NOL4: variants seen among roughly 807,000 people sequenced by gnomAD.
NOL4 encodes cancer/testis antigen 125.
NOL4 carries 17 observed loss-of-function variants against 75.9 expected under a neutral mutation model. The ratio of observed to expected loss-of-function variants is 0.22; its 90% CI spans 0.15 to 0.34. The LOEUF (loss-of-function observed/expected upper bound fraction) is 0.34. Among genes scored for constraint, NOL4 ranks in the 10% least tolerant of loss-of-function variants. The pLI is 1.00. For synonymous variants in NOL4, 292 were observed against 289.9 expected, an observed-to-expected ratio of 1.01 and a Z score of -0.07; for missense variants, 614 against 793.5, an observed-to-expected ratio of 0.77 and a Z score of 2.72.
intron 8 of NOL4, among the ~76,000 whole-genome samples, chr18:33,952,923 T>C (rs1463302960): frequency 2.0e-5 from 3 of 152,062 alleles, no homozygotes; most frequent in Admixed American, 6.5e-5. Context: ...AAACTCCGTC[T>C]CAAAAAAACA....
At chr18:33,996,190 C>A (rs559142098) in intron 6 of NOL4, among the ~76,000 whole-genome samples, 9 of 151,422 alleles carry the variant, frequency 5.9e-5, no homozygotes, top group Non-Finnish European at 1.0e-4. Context: ...GGAGATAGGG[C>A]CATTTAGAAC....
At chr18:33,883,511 C>T (rs934677582) in intron 9 of NOL4, 87 bp from the exon 10 acceptor site, 10 of 976,592 alleles carry the variant, frequency 1.0e-5, no homozygotes, top group Non-Finnish European at 1.3e-5. Context: ...ATCTAAATAC[C>T]TGCATTGAAT....
chr18:34,010,113 T>C (rs1003864137), intron 6 of NOL4, among the ~76,000 whole-genome samples: 8 of 151,748 alleles, frequency 5.3e-5, no homozygotes, highest in Non-Finnish European at 1.2e-4. Flanking sequence ...AAGCATACCA[T>C]ATTTTTGTAC....
intron 4 of NOL4, among the ~76,000 whole-genome samples, chr18:34,100,841 C>G (rs1036857736): frequency 2.6e-5 from 4 of 152,164 alleles, no homozygotes; most frequent in African/African-American, 7.2e-5. Context: ...GTCTAATTGA[C>G]AAATCTACTT....
intron 5 of NOL4, among the ~76,000 whole-genome samples, chr18:34,047,852 C>T (rs1401481352): frequency 1.3e-5 from 2 of 152,062 alleles, no homozygotes; most frequent in Admixed American, 6.6e-5. Context: ...GAAAGGTATA[C>T]ACATTGCACA....
intron 10 of NOL4, among the ~76,000 whole-genome samples, chr18:33,872,589 T>C (rs1029981911): frequency 2.6e-5 from 4 of 151,936 alleles, no homozygotes; most frequent in Non-Finnish European, 5.9e-5. Flanking sequence ...GTGAATAAGG[T>C]GAGAAGAGTT....
chr18:33,946,771 C>A (rs1288065268), intron 8 of NOL4, among the ~76,000 whole-genome samples: 1 of 151,216 alleles, frequency 6.6e-6, no homozygotes, highest in East Asian at 1.9e-4. Flanking sequence ...TCATTAAAAG[C>A]ACAAAGACAA....
chr18:34,213,512 T>A (rs2036661824), intron 1 of NOL4, among the ~76,000 whole-genome samples: 1 of 152,128 alleles, frequency 6.6e-6, no homozygotes, highest in Non-Finnish European at 1.5e-5. Context: ...ATGATCTCGA[T>A]CTCTTGACCT....
chr18:33,963,928 G>T (rs1183918413), intron 6 of NOL4, among the ~76,000 whole-genome samples: 1 of 152,150 alleles, frequency 6.6e-6, no homozygotes, highest in Admixed American at 6.5e-5. Flanking sequence ...GCGGTTGGGA[G>T]CTGTGTCTGA....
chr18:34,111,487 G>T (rs2079586246), intron 2 of NOL4, among the ~76,000 whole-genome samples: 1 of 151,826 alleles, frequency 6.6e-6, no homozygotes, highest in African/African-American at 2.4e-5. Flanking sequence ...TGTCTCTTCT[G>T]CCCTTCCACC....
At chr18:34,205,935 T>A (rs2036091186) in intron 1 of NOL4, among the ~76,000 whole-genome samples, 3 of 152,208 alleles carry the variant, frequency 2.0e-5, no homozygotes, top group African/African-American at 7.2e-5. Flanking sequence ...AGGCAGAAGC[T>A]TAAATTATTA....
chr18:34,062,005 G>T (rs2077082471), intron 5 of NOL4, among the ~76,000 whole-genome samples: 1 of 151,946 alleles, frequency 6.6e-6, no homozygotes, highest in African/African-American at 2.4e-5. Flanking sequence ...GAGACGTTAA[G>T]CCTACCAAGA....
chr18:33,981,745 G>A (rs1401018689), intron 6 of NOL4, among the ~76,000 whole-genome samples: 1 of 152,016 alleles, frequency 6.6e-6, no homozygotes, highest in African/African-American at 2.4e-5. Context: ...TTTTTTCAAA[G>A]AGCATTAGAG....
At chr18:34,014,943 T>G (rs1231757278) in intron 6 of NOL4, among the ~76,000 whole-genome samples, 1 of 152,052 alleles carries the variant, frequency 6.6e-6, no homozygotes, top group East Asian at 1.9e-4. Context: ...CACAATAAAA[T>G]TGTGAAACAG....
rs1366116972 is a variant in NOL4 at position 34,095,082 on chromosome 18, T to C, written c.640-1485A>G. On this transcript the variant is annotated intron_variant, in intron 4 of 10. Coordinates refer to ENST00000261592, the MANE Select transcript of NOL4 (RefSeq NM_003787.5). ...TTTTGGCTGTGGTGTCTTTCCTTTA[T>C]CAAAGACTGGGTCATGCTTGGGCAC... Among the ~76,000 whole-genome samples the C allele has an allele frequency of 2.0e-5, 3 of 152,126 alleles. No individual in the cohort carries two copies. The East Asian group carries it at 5.8e-4, about 29-fold the overall frequency.
At chr18:34,199,145 G>GTTTTTTTTTT (rs11323634) in intron 1 of NOL4, among the ~76,000 whole-genome samples, 1 of 131,282 alleles carries the variant, frequency 7.6e-6, no homozygotes. Context: ...GGACAGAGAA[G>GTTTTTTTTTT]TTTTTTTTTT....
intron 6 of NOL4, among the ~76,000 whole-genome samples, chr18:34,007,843 A>C (rs1401202693): frequency 2.0e-5 from 3 of 151,694 alleles, no homozygotes; most frequent in Admixed American, 6.6e-5. Context: ...TTTTATTTGG[A>C]GATTCAGTAT....
intron 6 of NOL4, among the ~76,000 whole-genome samples, chr18:33,987,793 T>C (rs945210829): frequency 1.3e-5 from 2 of 152,092 alleles, no homozygotes; most frequent in Admixed American, 1.3e-4. Context: ...AGCAGCCACC[T>C]AGAAGGAAGG....
chr18:34,161,736 A>G (rs75469052), intron 1 of NOL4, among the ~76,000 whole-genome samples: 3,769 of 152,162 alleles, frequency 0.025, 48 homozygotes, highest in African/African-American at 0.028. Context: ...TATATTTGGA[A>G]TATTAATTCC....
Sources: allele counts gnomAD v4.1 joint callset (sites outside exome capture counted in the v4.1 genomes callset), GRCh38; gene constraint gnomAD v4.1.1; transcripts MANE v1.5; gene names NCBI Gene and HGNC (gene_info 2026-07-23, HGNC 2026-07-21).